Variants in CIC observed in about 807,000 individuals in gnomAD.
The protein encoded by CIC is capicua transcriptional repressor.
A neutral mutation model predicts 115.7 loss-of-function variants in CIC; 18 were observed. The observed-to-expected ratio is 0.16, with a 90% CI of 0.11 to 0.23. The LOEUF (loss-of-function observed/expected upper bound fraction) is 0.23, where lower values mean the gene tolerates loss of function less well. Ranked by LOEUF, CIC falls within the 10% of genes least tolerant of loss-of-function variation. The pLI is 1.00. For missense variants in CIC, 2,000 were observed against 2,159.3 expected (o/e 0.93, Z 1.46); for synonymous variants, 1,076 against 923.0 (o/e 1.17, Z -3.01).
Position 42,291,256 on chromosome 19 carries a change from C to T in CIC, c.5215C>T (p.Pro1739Ser), listed in dbSNP as rs2147270327. 1 of 1,612,420 alleles carries T rather than the reference C, an allele frequency of 6.2e-7. No individual in the cohort carries two copies. Among genetic ancestry groups the T allele is most frequent in the Non-Finnish European group, 8.5e-7 (1 of 1,179,726 alleles). Residue 1739 changes from proline (P) to serine (S), a missense_variant, in exon 11 of 21, where the codon CCC becomes TCC. Transcript: ENST00000681038. ...AATCACCCAGGTACAGTACATCCTG[C>T]CCACGCTGCCCCAGCAGCTTCAGGT... ...GGITQVQYILPTLPQQLQVAP... is the reference protein window; with the variant it reads ...GGITQVQYILSTLPQQLQVAP...
chr19:42,284,719 C>G, intron 2 of CIC: 1 of 1,554,082 alleles, frequency 6.4e-7, no homozygotes, highest in Non-Finnish European at 8.7e-7. Flanking sequence ...ATTCGGCCCA[C>G]AGGCCCCTGA....
At position 42,287,974 on chromosome 19, in the gene CIC, G is replaced by C. The variant is rs777839687; in HGVS notation, c.3657G>C (p.Gly1219=). The stretch of plus-strand genomic sequence containing the variant: ...AGACGGGCACTGCTGCTGCCCCTGG[G>C]GGTTAGTCAGCCCCTTGGCTCTCCC... The part of the protein sequence containing the change: ...MSETGTAAAP[G]VSSELLSVAA... Residue 1219 remains glycine (G), a splice_region_variant and synonymous_variant, in exon 7 of 21, where the codon GGG becomes GGC. Coordinates refer to ENST00000681038, the MANE Select transcript of CIC (RefSeq NM_001386298.1). The surrounding 1 kb of genome is among the most constrained non-coding windows in gnomAD (Gnocchi z 8.7). 6.3e-7 allele frequency: 1 copy of C among 1,588,076 alleles called. No homozygotes were observed. Among genetic ancestry groups the C allele is most frequent in the Admixed American group, 1.8e-5 (1 of 55,504 alleles).
chr19:42,295,623 A>G lies in CIC; in HGVS notation c.*432A>G, dbSNP rs551934061. On this transcript the variant is annotated 3_prime_UTR_variant, in exon 21 of 21. Transcript: ENST00000681038. ...GGGGCTCCTGCACTTTGCCACAGGC[A>G]CGGGGAGGGTTTTCTCCTCACCCCC... 1.3e-5 allele frequency: 3 copies of G among 238,538 alleles called. No individual in the cohort carries two copies. Among genetic ancestry groups the G allele is most frequent in the Non-Finnish European group, 2.5e-5 (3 of 121,582 alleles). 14.8% of individuals were successfully genotyped at this position (238,538 alleles called of 1,614,324 possible). A position where few individuals can be genotyped will look rare whatever the true frequency, so the allele number is the denominator to read the frequency against.
At chr19:42,284,231 G>C (rs1342035574) in intron 2 of CIC, 2 of 147,386 alleles carry the variant, frequency 1.4e-5, no homozygotes, top group African/African-American at 4.9e-5. Flanking sequence ...CGCGGGGCCA[G>C]AGCCGTTACC....
rs2036819486 is a variant in CIC, at chr19:42,272,316, A to T, written c.533A>T (p.Glu178Val). The change falls in exon 2 of 21, where the codon GAG becomes GTG. Residue 178 changes from glutamate (E) to valine (V), a missense_variant. This residue lies in a region of CIC where 222 missense variants were observed against 247.7 expected (regional missense o/e 0.90). Transcript: ENST00000681038. ...GAGCACTCGGCGGACCTGGAGGATGAGCCGGCTGAGGCTTGTGGTCCAGGC... is the reference window on the plus strand; with the variant it reads ...GAGCACTCGGCGGACCTGGAGGATGTGCCGGCTGAGGCTTGTGGTCCAGGC... ...ASEHSADLED[E>V]PAEACGPGPW... 3 of 398,526 alleles carry T rather than the reference A, an allele frequency of 7.5e-6. No individual in the cohort carries two copies. The highest frequency in any genetic ancestry group is 1.3e-5 in the Non-Finnish European group (3 of 226,018). 24.7% of individuals were successfully genotyped at this position (398,526 alleles called of 1,614,324 possible).
chr19:42,295,040 C>T lies in CIC; in HGVS notation c.7403C>T (p.Pro2468Leu). 2 of 1,558,442 alleles carry T rather than the reference C, an allele frequency of 1.3e-6. No homozygotes were observed. The highest frequency in any genetic ancestry group is 4.7e-5 in the East Asian group (2 of 42,132). The change falls in exon 21 of 21, where the codon CCC becomes CTC. Residue 2468 changes from proline (P) to leucine (L), a missense_variant. By Grantham distance (98) the Pro-to-Leu change is moderately conservative. Transcript: ENST00000681038. ...PTPSPAGGPD[P>L]TSPSSDSGTA... ...CCCAGCCCCGCAGGGGGCCCTGACC[C>T]CACCTCACCCAGCTCGGACTCTGGC...
intron 19 of CIC, 96 bp from the exon 20 acceptor site, chr19:42,294,508 A>G: frequency 6.3e-7 from 1 of 1,589,094 alleles, no homozygotes; most frequent in Non-Finnish European, 8.6e-7. Flanking sequence ...TCCCCTGTGA[A>G]ATAGAATGCA....
Position 42,286,915 on chromosome 19 carries a change from G to A in CIC, c.2939G>A (p.Ser980Asn). 1 of 1,611,124 alleles carries A rather than the reference G, an allele frequency of 6.2e-7. No individual in the cohort carries two copies. The highest frequency in any genetic ancestry group is 1.1e-5 in the South Asian group (1 of 91,072). The stretch of plus-strand genomic sequence containing the variant: ...AGCCACCCAGTGGCCTCCAACCAGA[G>A]CAAAGGTGAGGGCTGGTGGGGACTG... ...PASHPVASNQSKEPAESAAVA... is the reference protein window; with the variant it reads ...PASHPVASNQNKEPAESAAVA... The change falls in exon 3 of 21, where the codon AGC (serine) becomes AAC (asparagine). Residue 980 changes from serine to asparagine, a missense_variant. By Grantham distance (46) the Ser-to-Asn change is conservative. Transcript: ENST00000681038.
chr19:42,286,879 A>G lies in CIC; in HGVS notation c.2903A>G (p.Gln968Arg). 1 of 1,612,784 alleles carries G rather than the reference A, an allele frequency of 6.2e-7. No individual in the cohort carries two copies. Among genetic ancestry groups the G allele is most frequent in the Non-Finnish European group, 8.5e-7 (1 of 1,179,728 alleles). Residue 968 changes from glutamine (Q) to arginine (R), a missense_variant, in exon 3 of 21, where the codon CAG becomes CGG. By Grantham distance (43) the Gln-to-Arg change is conservative. Around this residue, in one of 8 missense-constraint regions of CIC, gnomAD observed 222 missense variants for 247.7 expected, o/e 0.90. Coordinates refer to ENST00000681038, the MANE Select transcript of CIC (RefSeq NM_001386298.1). ...PDPSVQPSEA[Q>R]QPASHPVASN... The stretch of plus-strand genomic sequence containing the variant: ...CCCTCCGTGCAGCCGAGCGAGGCCC[A>G]GCAACCTGCCAGCCACCCAGTGGCC...
At position 42,289,351 on chromosome 19, in the gene CIC, G is replaced by C; in HGVS notation, c.4032G>C (p.Thr1344=). 1 of 1,613,176 alleles carries C rather than the reference G, an allele frequency of 6.2e-7. No homozygotes were observed. Among genetic ancestry groups the C allele is most frequent in the Non-Finnish European group, 8.5e-7 (1 of 1,179,556 alleles). Reference sequence around the variant, plus strand: ...AGCGTGCGGCCAGTGAGGACATGACGAGTGATGAGGAGCGCATGGTCATCT... The same window carrying C: ...AGCGTGCGGCCAGTGAGGACATGACCAGTGATGAGGAGCGCATGGTCATCT... The part of the protein sequence containing the change: ...RSQRAASEDM[T]SDEERMVICE... The change falls in exon 9 of 21, where the codon ACG becomes ACC. Residue 1344 remains threonine, a synonymous_variant. Transcript: ENST00000681038.
chr19:42,293,578 C>T lies in CIC; in HGVS notation c.6523-14C>T. On this transcript the variant is annotated splice_polypyrimidine_tract_variant and intron_variant, in intron 16 of 20. Transcript: ENST00000681038. ...GCTCAGTGTTCGCCATCTCCCTGCCCATCTCCACCCCAGGCCAGCAAATTC... is the reference window on the plus strand; with the variant it reads ...GCTCAGTGTTCGCCATCTCCCTGCCTATCTCCACCCCAGGCCAGCAAATTC... 6.2e-7 allele frequency: 1 copy of T among 1,613,830 alleles called. No individual in the cohort carries two copies. Among genetic ancestry groups the T allele is most frequent in the East Asian group, 2.2e-5 (1 of 44,884 alleles).
At chr19:42,268,600 T>G (rs2036651546), upstream of CIC, 1 of 151,912 alleles carries the variant, frequency 6.6e-6, no homozygotes, top group African/African-American at 2.4e-5. Context: ...TACGGGTGAG[T>G]CGGGGCCCTG....
In CIC at chr19:42,291,020, G is replaced by A. The variant is rs865789551; in HGVS notation, c.4979G>A (p.Gly1660Asp). ...APHLVAGPLL[G>D]TVGKAPATVT... ...CACTTGGTGGCTGGACCCCTGCTGGGCACTGTGGGGAAGGCGCCTGCCACT... is the reference window on the plus strand; with the variant it reads ...CACTTGGTGGCTGGACCCCTGCTGGACACTGTGGGGAAGGCGCCTGCCACT... The change falls in exon 11 of 21, where the codon GGC (glycine) becomes GAC (aspartate). Residue 1660 changes from glycine to aspartate, a missense_variant. This residue lies in a region of CIC where 1,466 missense variants were observed against 1,390.4 expected (regional missense o/e 1.05). Coordinates refer to ENST00000681038, the MANE Select transcript of CIC (RefSeq NM_001386298.1). The A allele has an allele frequency of 6.2e-7, 1 of 1,613,610 alleles. No homozygotes were observed. Among genetic ancestry groups the A allele is most frequent in the Non-Finnish European group, 8.5e-7 (1 of 1,179,992 alleles).
At position 42,293,742 on chromosome 19, in the gene CIC, G is replaced by A. The variant is rs1314616216; in HGVS notation, c.6673G>A (p.Gly2225Arg). ...SSESSSGRAA[G>R]DTPERKEAAG... ...CGAGAGCAGCAGTGGGCGGGCAGCC[G>A]GGGACACCCCGGAGCGCAAGGAGGC... is the stretch of plus-strand genomic sequence containing the variant. The change falls in exon 17 of 21, where the codon GGG (glycine) becomes AGG (arginine). Residue 2225 changes from glycine (G) to arginine (R), a missense_variant. Gly to Arg is a moderately radical substitution (Grantham distance 125). Transcript: ENST00000681038. 5 of 1,612,842 alleles carry A rather than the reference G, an allele frequency of 3.1e-6. No homozygotes were observed. Among genetic ancestry groups the A allele is most frequent in the East Asian group, 2.2e-5 (1 of 44,878 alleles).
At position 42,291,657 on chromosome 19, in the gene CIC, T is replaced by C. The variant is rs781294274; in HGVS notation, c.5525T>C (p.Val1842Ala). The change falls in exon 12 of 21, where the codon GTG becomes GCG. Residue 1842 changes from valine (V) to alanine (A), a missense_variant. Val to Ala is a moderately conservative substitution (Grantham distance 64, BLOSUM62 0). Transcript: ENST00000681038. The part of the protein sequence containing the change: ...LVPLAAPSMS[V>A]RGGGAGQPLP... Reference sequence around the variant, plus strand: ...CCTCTGGCCGCCCCTAGCATGTCAGTGCGGGGTGGAGGGGCCGGCCAGCCA... The same window carrying C: ...CCTCTGGCCGCCCCTAGCATGTCAGCGCGGGGTGGAGGGGCCGGCCAGCCA... The C allele has an allele frequency of 1.1e-5, 18 of 1,611,530 alleles. No homozygotes were observed. Among genetic ancestry groups the C allele is most frequent in the Non-Finnish European group, 1.4e-5 (16 of 1,179,948 alleles).
chr19:42,292,033 GC>G (rs1196576031), intron 12 of CIC, 52 bp from the exon 13 acceptor site: 1 of 1,611,384 alleles, frequency 6.2e-7, no homozygotes, highest in African/African-American at 1.3e-5. Context: ...GTCTTCCCCT[GC>G]CCCAGTCTGG....
chr19:42,295,680 A>G lies in CIC; in HGVS notation c.*489A>G. ...CTCCCAACTTGGGTTGTACTTTCTA[A>G]GAAGGTGATTCCCCCTGCCCTTGCC... On this transcript the variant is annotated 3_prime_UTR_variant, in exon 21 of 21. Transcript: ENST00000681038. 4.3e-6 allele frequency: 1 copy of G among 231,584 alleles called. No individual in the cohort carries two copies. The highest frequency in any genetic ancestry group is 8.5e-6 in the Non-Finnish European group (1 of 117,050). 14.3% of individuals were successfully genotyped at this position (231,584 alleles called of 1,614,324 possible).
chr19:42,284,922 T>TG, intron 2 of CIC: 1 of 709,420 alleles, frequency 1.4e-6, no homozygotes, highest in East Asian at 2.8e-5. Flanking sequence ...CCGGGCCGAG[T>TG]GGTTAGTGAT....
In CIC at chr19:42,293,017, C is replaced by T; in HGVS notation, c.6258C>T (p.Pro2086=). ...CCCAGCGGCCCAGCCCGAAGGCCCC[C>T]CAGAAAGTGAAGGCAGCCATCGCCA... is the stretch of plus-strand genomic sequence containing the variant. ...PKAQRPSPKA[P]QKVKAAIASI... The change falls in exon 16 of 21, where the codon CCC becomes CCT. Residue 2086 remains proline (P), a synonymous_variant. Coordinates refer to ENST00000681038, the MANE Select transcript of CIC (RefSeq NM_001386298.1). 6.2e-7 allele frequency: 1 copy of T among 1,613,418 alleles called. No homozygotes were observed. Among genetic ancestry groups the T allele is most frequent in the East Asian group, 2.2e-5 (1 of 44,884 alleles).
Sources: gnomAD v4.1 joint callset for allele counts on GRCh38, gnomAD v4.1.1 for gene constraint, gnomAD v4.1.1 regional missense constraint, Gnocchi (gnomAD v3.1) non-coding constraint, MANE v1.5 for transcripts, NCBI Gene and HGNC (gene_info 2026-07-23, HGNC 2026-07-21) for gene names.